CCDC171: variants seen among roughly 807,000 people sequenced by gnomAD.
CCDC171 encodes coiled-coil domain containing 171.
In CCDC171, 177 loss-of-function variants were observed where a neutral mutation model predicts 168.2. That is an observed-to-expected ratio of 1.05 (90% CI 0.93 to 1.19). The LOEUF (loss-of-function observed/expected upper bound fraction) is 1.19, where lower values mean the gene tolerates loss of function less well. Ranked by LOEUF, CCDC171 falls within the 50% of genes most tolerant of loss-of-function variation. CCDC171 has a pLI of 0.00. For missense variants in CCDC171, 1,991 were observed against 1,539.0 expected, an observed-to-expected ratio of 1.29 and a Z score of -4.91; for synonymous variants, 687 against 540.8, an observed-to-expected ratio of 1.27 and a Z score of -3.75.
In CCDC171 at chr9:15,744,777, A is replaced by G; in HGVS notation, c.2554A>G (p.Lys852Glu). 1.9e-6 allele frequency: 3 copies of G among 1,605,218 alleles called. No individual in the cohort carries two copies. Among genetic ancestry groups the G allele is most frequent in the South Asian group, 1.1e-5 (1 of 89,746 alleles). ...GCCCCAAGACAAGCATAAATTTCCAAGTAAGATAATTTCTGCTTTTAAAAA... is the reference window on the plus strand; with the variant it reads ...GCCCCAAGACAAGCATAAATTTCCAGGTAAGATAATTTCTGCTTTTAAAAA... Reference protein sequence around the residue: ...GEPQDKHKFPKHQKEQLRCLQ... With the variant: ...GEPQDKHKFPEHQKEQLRCLQ... The change falls in exon 17 of 26, where the codon AAA becomes GAA. Residue 852 changes from lysine (K) to glutamate (E), a missense_variant and splice_region_variant. Coordinates refer to ENST00000380701, the MANE Select transcript of CCDC171 (RefSeq NM_173550.4).
At chr9:15,590,573 A>G (rs535571822) in intron 4 of CCDC171, among the ~76,000 whole-genome samples, 1 of 152,278 alleles carries the variant, frequency 6.6e-6, no homozygotes, top group South Asian at 2.1e-4. Flanking sequence ...TTGCACCTAA[A>G]TCTGGCAAAG....
intron 4 of CCDC171, among the ~76,000 whole-genome samples, chr9:15,586,773 C>A (rs1051709244): frequency 6.6e-6 from 1 of 152,000 alleles, no homozygotes; most frequent in African/African-American, 2.4e-5. Flanking sequence ...ATTGAGGAGC[C>A]ATTCCTTCCA....
In CCDC171 at chr9:15,972,183, G is replaced by A. The variant is rs1831422935; in HGVS notation, c.*347G>A. The A allele has an allele frequency of 4.1e-6, 1 of 242,674 alleles. No homozygotes were observed. The highest frequency in any genetic ancestry group is 2.3e-5 in the African/African-American group (1 of 43,394). The allele number at this position is 242,674 out of a possible 1,614,324, so 15.0% of individuals were successfully genotyped here. On this transcript the variant is annotated 3_prime_UTR_variant, in exon 26 of 26. Coordinates refer to ENST00000380701, the MANE Select transcript of CCDC171 (RefSeq NM_173550.4). The stretch of plus-strand genomic sequence containing the variant: ...TTGTTTCATACTTGTCTATTTTAAA[G>A]CAGGACTGCAATGCTTTAATAGGAT...
upstream of CCDC171, among the ~76,000 whole-genome samples, chr9:16,040,347 G>A (rs1472483446): frequency 6.6e-6 from 1 of 152,200 alleles, no homozygotes; most frequent in Admixed American, 6.5e-5. Flanking sequence ...CATCTAGAAG[G>A]TGGAGGCAGA....
At chr9:15,634,871 A>T (rs1023873071) in intron 7 of CCDC171, among the ~76,000 whole-genome samples, 5 of 152,192 alleles carry the variant, frequency 3.3e-5, no homozygotes. Flanking sequence ...TATTCTAGAC[A>T]TTCCTTACAA....
chr9:15,607,080 A>G (rs927824667), intron 6 of CCDC171, among the ~76,000 whole-genome samples: 1 of 152,204 alleles, frequency 6.6e-6, no homozygotes, highest in Non-Finnish European at 1.5e-5. Flanking sequence ...ATTGCATCTC[A>G]GGATTGGATG....
At chr9:15,612,559 G>A (rs2043777270) in intron 6 of CCDC171, among the ~76,000 whole-genome samples, 1 of 151,936 alleles carries the variant, frequency 6.6e-6, no homozygotes, top group Non-Finnish European at 1.5e-5. Context: ...TTTGAATTCT[G>A]GTTTTACCAA....
intron 7 of CCDC171, among the ~76,000 whole-genome samples, chr9:15,638,251 T>C (rs2046347765): frequency 6.6e-6 from 1 of 152,186 alleles, no homozygotes; most frequent in Non-Finnish European, 1.5e-5. Flanking sequence ...TAGATTCTTT[T>C]TAAAAGCTTT....
At chr9:15,590,395 C>G (rs1392950705) in intron 4 of CCDC171, among the ~76,000 whole-genome samples, 1 of 152,158 alleles carries the variant, frequency 6.6e-6, no homozygotes, top group Non-Finnish European at 1.5e-5. Context: ...TAACTAGGGA[C>G]ATTCTTATTT....
At chr9:15,880,868 A>C (rs1163329694) in intron 24 of CCDC171, among the ~76,000 whole-genome samples, 2 of 152,194 alleles carry the variant, frequency 1.3e-5, no homozygotes, top group East Asian at 3.9e-4. Flanking sequence ...CACCTTCTTC[A>C]AAGGTTTGTA....
At chr9:15,870,215 G>A (rs2061977580) in intron 23 of CCDC171, among the ~76,000 whole-genome samples, 1 of 151,728 alleles carries the variant, frequency 6.6e-6, no homozygotes, top group Admixed American at 6.6e-5. Flanking sequence ...TATGTAGGCT[G>A]TTCTAGTGCA....
intron 7 of CCDC171, among the ~76,000 whole-genome samples, chr9:15,628,640 C>G (rs546362664): frequency 3.3e-5 from 5 of 152,336 alleles, no homozygotes; most frequent in Admixed American, 1.3e-4. Context: ...CCTCTGCAGA[C>G]TTAAATGTCC....
intron 7 of CCDC171, among the ~76,000 whole-genome samples, chr9:15,645,552 A>G (rs1338992488): frequency 1.3e-5 from 2 of 152,232 alleles, no homozygotes; most frequent in African/African-American, 2.4e-5. Context: ...AAGTCCTTAA[A>G]TAACCTGACT....
At chr9:15,555,964 C>T (rs1268318807) in intron 1 of CCDC171, among the ~76,000 whole-genome samples, 2 of 152,076 alleles carry the variant, frequency 1.3e-5, no homozygotes, top group Middle Eastern at 3.2e-3. Flanking sequence ...ATATTTTGCT[C>T]AGAATGATGG....
downstream of CCDC171, among the ~76,000 whole-genome samples, chr9:16,065,809 GGTGT>G (rs113107786): frequency 0.14 from 19,670 of 144,200 alleles, 1,410 homozygotes; most frequent in Admixed American, 0.21. Flanking sequence ...TTGTGTGCAT[GGTGT>G]GTGTGTGTGT....
intron 24 of CCDC171, among the ~76,000 whole-genome samples, chr9:15,909,489 C>G (rs878942620): frequency 6.6e-6 from 1 of 152,104 alleles, no homozygotes; most frequent in African/African-American, 2.4e-5. Flanking sequence ...TATAGTCCTT[C>G]TTACACAACT....
rs56910418 is a variant in CCDC171 at position 15,983,480 on chromosome 9, T to TTGTG, written n.369-37080_369-37077dup. On this transcript the variant is annotated intron_variant and non_coding_transcript_variant, in intron 3 of 9. Coordinates refer to the CCDC171 transcript ENST00000486641. ...TTTATATTGTGGATTTTGTGATCAG[T>TTGTG]TGTGTGTGTGTGTGTGTGTGTGTGT... Among the ~76,000 whole-genome samples the TTGTG allele has an allele frequency of 1.9e-3, 274 of 144,100 alleles. 1 individual carries two copies. The highest frequency in any genetic ancestry group is 2.0e-3 in the Non-Finnish European group (132 of 65,608). 94.5% of individuals were successfully genotyped at this position (144,100 alleles called of 152,430 possible).
At chr9:15,767,740 G>C (rs963453883) in intron 18 of CCDC171, among the ~76,000 whole-genome samples, 1 of 149,756 alleles carries the variant, frequency 6.7e-6, no homozygotes, top group Non-Finnish European at 1.5e-5. Flanking sequence ...TATTACTCCT[G>C]TTTCTCCTCT....
intron 7 of CCDC171, among the ~76,000 whole-genome samples, chr9:15,645,942 T>C (rs370186741): frequency 6.6e-6 from 1 of 152,046 alleles, no homozygotes; most frequent in Non-Finnish European, 1.5e-5. Context: ...AGACACATAA[T>C]TGTCAGATTC....
Sources: allele counts gnomAD v4.1 joint callset (sites outside exome capture counted in the v4.1 genomes callset), GRCh38; gene constraint gnomAD v4.1.1; transcripts MANE v1.5; gene names NCBI Gene and HGNC (gene_info 2026-07-23, HGNC 2026-07-21).